Variants in ADAMTS19 observed in about 807,000 individuals in gnomAD.
ADAMTS19 encodes the protein ADAM metallopeptidase with thrombospondin type 1 motif 19, also known as A disintegrin and metalloproteinase with thrombospondin motifs 19.
In ADAMTS19, 93 loss-of-function variants were observed where a neutral mutation model predicts 153.3. That is an observed-to-expected ratio of 0.61 (90% CI 0.51 to 0.72). ADAMTS19 has a LOEUF of 0.72. Ranked by LOEUF, ADAMTS19 falls within the 30% of genes least tolerant of loss-of-function variation. ADAMTS19 has a pLI of 0.00. For missense variants in ADAMTS19, 1,482 were observed against 1,552.1 expected, an observed-to-expected ratio of 0.95 and a Z score of 0.76; for synonymous variants, 600 against 556.6, an observed-to-expected ratio of 1.08 and a Z score of -1.10.
chr5:129,506,107 A>G (rs1197472356), intron 2 of ADAMTS19, among the ~76,000 whole-genome samples: 1 of 152,144 alleles, frequency 6.6e-6, no homozygotes, highest in Non-Finnish European at 1.5e-5. Flanking sequence ...TGCAGATAAA[A>G]CAATTTATTT....
At chr5:129,560,010 A>G (rs1353165146) in intron 7 of ADAMTS19, among the ~76,000 whole-genome samples, 3 of 152,186 alleles carry the variant, frequency 2.0e-5, no homozygotes, top group Admixed American at 6.5e-5. Flanking sequence ...GTAAAAGTCT[A>G]CTGGGGACAC....
intron 21 of ADAMTS19, among the ~76,000 whole-genome samples, chr5:129,733,517 A>C (rs1316740304): frequency 6.6e-6 from 1 of 152,096 alleles, no homozygotes; most frequent in East Asian, 1.9e-4. Context: ...CACATTCCTC[A>C]GGAGAGACAC....
intron 8 of ADAMTS19, among the ~76,000 whole-genome samples, chr5:129,619,341 T>A (rs890815347): frequency 6.6e-6 from 1 of 152,056 alleles, no homozygotes; most frequent in Non-Finnish European, 1.5e-5. Context: ...CATATTATAA[T>A]CATTTCTACC....
intron 21 of ADAMTS19, among the ~76,000 whole-genome samples, chr5:129,730,648 T>C (rs1177364925): frequency 1.3e-5 from 2 of 152,130 alleles, no homozygotes; most frequent in African/African-American, 4.8e-5. Flanking sequence ...CATGTACTTT[T>C]GGCCAGTAAT....
At chr5:129,657,876 C>A (rs1460189703) in intron 14 of ADAMTS19, among the ~76,000 whole-genome samples, 2 of 152,194 alleles carry the variant, frequency 1.3e-5, no homozygotes, top group African/African-American at 4.8e-5. Context: ...AGAAATTAAA[C>A]TAATCATGTT....
At chr5:129,643,821 A>G (rs1752935855) in intron 11 of ADAMTS19, among the ~76,000 whole-genome samples, 1 of 152,160 alleles carries the variant, frequency 6.6e-6, no homozygotes, top group African/African-American at 2.4e-5. Flanking sequence ...GAACCTGTGT[A>G]TATCAAGCAA....
intron 6 of ADAMTS19, 83 bp from the exon 7 acceptor site, chr5:129,551,781 A>G (rs941996327): frequency 1.0e-5 from 8 of 785,130 alleles, no homozygotes; most frequent in Non-Finnish European, 1.7e-5. Context: ...AATTAATCAT[A>G]TAACTATTAA....
intron 2 of ADAMTS19, among the ~76,000 whole-genome samples, chr5:129,472,205 T>TTGCTAGGA (rs1750091045): frequency 6.6e-6 from 1 of 152,232 alleles, no homozygotes; most frequent in African/African-American, 2.4e-5. Flanking sequence ...CTCTGCAACC[T>TTGCTAGGA]TGCTAGGATC....
intron 4 of ADAMTS19, 113 bp from the exon 5 acceptor site, chr5:129,527,632 TTAA>T (rs1167502051): frequency 9.7e-5 from 22 of 225,750 alleles, no homozygotes; most frequent in African/African-American, 8.6e-4. Context: ...TTTTTTTTTT[TTAA>T]AAAAAAAAAA....
intron 22 of ADAMTS19, among the ~76,000 whole-genome samples, chr5:129,736,508 A>G (rs986351694): frequency 1.3e-5 from 2 of 152,046 alleles, no homozygotes; most frequent in South Asian, 2.1e-4. Flanking sequence ...AAACACTTCA[A>G]CTATTGCTGT....
intron 21 of ADAMTS19, among the ~76,000 whole-genome samples, chr5:129,705,952 T>C (rs935499090): frequency 1.3e-5 from 2 of 152,206 alleles, no homozygotes; most frequent in African/African-American, 4.8e-5. Context: ...GTATAACAAC[T>C]TTTCCTTTTT....
At chr5:129,701,738 T>A in intron 20 of ADAMTS19, 146 bp downstream of exon 20, 1 of 907,588 alleles carries the variant, frequency 1.1e-6, no homozygotes, top group Non-Finnish European at 1.6e-6. Context: ...AGGAATACAT[T>A]CAAATAATTT....
chr5:129,708,590 C>CAAAAAAA (rs1174701520), intron 21 of ADAMTS19, among the ~76,000 whole-genome samples: 68 of 61,810 alleles, frequency 1.1e-3, no homozygotes, highest in East Asian at 3.5e-3. Context: ...AGCAGAGAAG[C>CAAAAAAA]AAAAAAAAAA....
chr5:129,715,214 T>C (rs908893712), intron 21 of ADAMTS19, among the ~76,000 whole-genome samples: 1 of 152,244 alleles, frequency 6.6e-6, no homozygotes, highest in African/African-American at 2.4e-5. Flanking sequence ...CTTTTAATTT[T>C]ATAAAACTCG....
At position 129,676,678 on chromosome 5, in the gene ADAMTS19, G is replaced by A. The variant is rs375311308; in HGVS notation, c.2507-3086G>A. Among the ~76,000 whole-genome samples the A allele has an allele frequency of 2.0e-5, 3 of 152,176 alleles. No individual in the cohort carries two copies. The South Asian group carries it at 6.2e-4, about 31-fold the overall frequency. ...TATTTACCATAGGAGAGCTAATACA[G>A]TTTTAGTTATTCAATCATGGTGAAG... On this transcript the variant is annotated intron_variant, in intron 16 of 22. Coordinates refer to ENST00000274487, the MANE Select transcript of ADAMTS19 (RefSeq NM_133638.6).
intron 19 of ADAMTS19, among the ~76,000 whole-genome samples, chr5:129,699,923 A>C (rs1466259081): frequency 6.6e-6 from 1 of 152,206 alleles, no homozygotes; most frequent in Non-Finnish European, 1.5e-5. Context: ...CCCTTTTACA[A>C]ATTAAAAAAT....
intron 7 of ADAMTS19, among the ~76,000 whole-genome samples, chr5:129,575,889 C>T (rs772123614): frequency 2.2e-4 from 33 of 151,982 alleles, no homozygotes; most frequent in Non-Finnish European, 4.6e-4. Flanking sequence ...TCTTCTAAAG[C>T]CATCCAATAA....
intron 8 of ADAMTS19, among the ~76,000 whole-genome samples, chr5:129,602,850 G>GTGTGTA (rs1750728386): frequency 6.6e-6 from 1 of 151,682 alleles, no homozygotes; most frequent in African/African-American, 2.4e-5. Context: ...GTGTGTGTGT[G>GTGTGTA]TGTGTGTCTT....
chr5:129,692,451 T>C (rs575303719), intron 18 of ADAMTS19, among the ~76,000 whole-genome samples: 1 of 152,324 alleles, frequency 6.6e-6, no homozygotes, highest in Admixed American at 6.5e-5. Flanking sequence ...TCTACACTTA[T>C]CCTTCTTGAC....
Sources: gnomAD v4.1 joint callset for allele counts (sites outside exome capture counted in the v4.1 genomes callset) on GRCh38, gnomAD v4.1.1 for gene constraint, MANE v1.5 for transcripts, NCBI Gene and HGNC (gene_info 2026-07-23, HGNC 2026-07-21) for gene names.